The following PKP4 variants were observed in gnomAD, a reference collection of about 807,000 sequenced individuals.
The protein encoded by PKP4 is plakophilin 4.
PKP4 carries 90 observed loss-of-function variants against 145.1 expected under a neutral mutation model. The observed-to-expected ratio is 0.62, with a 90% CI of 0.52 to 0.74. PKP4 has a LOEUF of 0.74. Among genes scored for constraint, PKP4 ranks in the 30% least tolerant of loss-of-function variants. The pLI, the probability that PKP4 is intolerant of heterozygous loss-of-function variation, is 0.00. For synonymous variants in PKP4, 563 were observed against 577.2 expected (o/e 0.98, Z 0.35); for missense variants, 1,340 against 1,482.7 (o/e 0.90, Z 1.58).
intron 18 of PKP4, 42 bp downstream of exon 18, chr2:158,673,803 G>T (rs774178872): frequency 6.8e-7 from 1 of 1,471,782 alleles, no homozygotes; most frequent in Admixed American, 1.7e-5. Context: ...GCATTCATCA[G>T]AGCACACACT....
At chr2:158,474,855 A>G (rs547075598) in intron 1 of PKP4, among the ~76,000 whole-genome samples, 37 of 152,164 alleles carry the variant, frequency 2.4e-4, no homozygotes, top group Non-Finnish European at 3.7e-4. Flanking sequence ...AGCCCTCAAG[A>G]GGTATGAATT....
At chr2:158,650,764 C>T (rs186662966) in intron 11 of PKP4, among the ~76,000 whole-genome samples, 104 of 152,344 alleles carry the variant, frequency 6.8e-4, no homozygotes, top group African/African-American at 2.2e-3. Context: ...TGAGCTCCCC[C>T]GTGCCCCATG....
At chr2:158,610,367 A>G (rs1176663761) in intron 4 of PKP4, among the ~76,000 whole-genome samples, 3 of 152,222 alleles carry the variant, frequency 2.0e-5, no homozygotes, top group East Asian at 3.9e-4. Context: ...GTAAGAACGT[A>G]TATAATACAA....
At chr2:158,610,674 A>G (rs1211760147) in intron 4 of PKP4, among the ~76,000 whole-genome samples, 1 of 152,192 alleles carries the variant, frequency 6.6e-6, no homozygotes, top group Non-Finnish European at 1.5e-5. Context: ...GTCACATTCC[A>G]TGAAGTGAAT....
At chr2:158,676,928 G>A (rs2058062491) in intron 20 of PKP4, 61 bp downstream of exon 20, 1 of 1,605,626 alleles carries the variant, frequency 6.2e-7, no homozygotes, top group African/African-American at 1.3e-5. Flanking sequence ...CAGGCGCTTG[G>A]CCAGTGGCCT....
chr2:158,641,640 G>T (rs2054291440), intron 10 of PKP4, among the ~76,000 whole-genome samples: 1 of 152,098 alleles, frequency 6.6e-6, no homozygotes, highest in African/African-American at 2.4e-5. Flanking sequence ...ATTTTAATGT[G>T]CATAACAGTA....
intron 2 of PKP4, among the ~76,000 whole-genome samples, chr2:158,567,335 A>G (rs2047071327): frequency 6.6e-6 from 1 of 152,212 alleles, no homozygotes; most frequent in South Asian, 2.1e-4. Flanking sequence ...AGGAAGCCAT[A>G]AATAATTCTG....
intron 3 of PKP4, among the ~76,000 whole-genome samples, chr2:158,596,848 G>T (rs929199168): frequency 3.9e-5 from 6 of 152,198 alleles, no homozygotes; most frequent in African/African-American, 1.2e-4. Context: ...TACGGTTTTT[G>T]AGCTGTGGAA....
chr2:158,606,767 GAAAT>G (rs2050692596), intron 4 of PKP4, among the ~76,000 whole-genome samples: 2 of 151,836 alleles, frequency 1.3e-5, no homozygotes, highest in East Asian at 3.9e-4. Flanking sequence ...ATTTATTTCT[GAAAT>G]AAATAAACAC....
intron 2 of PKP4, among the ~76,000 whole-genome samples, chr2:158,535,477 T>G (rs1306230877): frequency 6.6e-6 from 1 of 152,134 alleles, no homozygotes; most frequent in Non-Finnish European, 1.5e-5. Context: ...TGTCACCTTC[T>G]TAGCTCACTG....
chr2:158,625,363 A>G lies in PKP4; in HGVS notation c.1089A>G (p.Gln363=), dbSNP rs1477688350. ...SLQRTVHDME[Q]FGQQQYDIYE... Reference sequence around the variant, plus strand: ...AAAGGACTGTTCATGACATGGAGCAATTCGGACAGCAGCAGTATGACATTT... The same window carrying G: ...AAAGGACTGTTCATGACATGGAGCAGTTCGGACAGCAGCAGTATGACATTT... The change falls in exon 7 of 22, where the codon CAA becomes CAG. Residue 363 remains glutamine (Q), a synonymous_variant. Coordinates refer to ENST00000389759, the MANE Select transcript of PKP4 (RefSeq NM_003628.6). 6.2e-7 allele frequency: 1 copy of G among 1,614,160 alleles called. No homozygotes were observed. The highest frequency in any genetic ancestry group is 8.5e-7 in the Non-Finnish European group (1 of 1,180,022).
At chr2:158,620,739 T>C (rs867009257) in intron 4 of PKP4, among the ~76,000 whole-genome samples, 1 of 152,344 alleles carries the variant, frequency 6.6e-6, no homozygotes, top group Non-Finnish European at 1.5e-5. Flanking sequence ...AGTTTTCAGA[T>C]TTTGATTTAA....
chr2:158,469,249 C>T (rs1691179008), intron 1 of PKP4, among the ~76,000 whole-genome samples: 1 of 151,866 alleles, frequency 6.6e-6, no homozygotes, highest in Non-Finnish European at 1.5e-5. Context: ...ACCACCATGC[C>T]CAGCTAATTT....
intron 1 of PKP4, among the ~76,000 whole-genome samples, chr2:158,485,819 T>C (rs906835944): frequency 6.6e-6 from 1 of 152,224 alleles, no homozygotes; most frequent in Non-Finnish European, 1.5e-5. Flanking sequence ...AGTATAAGAA[T>C]AGACATTAAT....
At chr2:158,669,528 CAATA>C (rs1389547688) in intron 16 of PKP4, 188 bp from the exon 17 acceptor site, 10 of 405,886 alleles carry the variant, frequency 2.5e-5, no homozygotes, top group African/African-American at 6.1e-5. Context: ...AGTGACGTTG[CAATA>C]AATGTTAGCT....
intron 3 of PKP4, among the ~76,000 whole-genome samples, chr2:158,592,830 G>T (rs768605612): frequency 6.6e-6 from 1 of 152,074 alleles, no homozygotes; most frequent in Non-Finnish European, 1.5e-5. Context: ...AATAATGTAC[G>T]AAATTAAATT....
intron 1 of PKP4, among the ~76,000 whole-genome samples, chr2:158,510,936 A>G (rs913586489): frequency 1.3e-5 from 2 of 152,160 alleles, no homozygotes; most frequent in African/African-American, 4.8e-5. Context: ...CATCTGCTCT[A>G]CTTTTCTGTC....
intron 2 of PKP4, among the ~76,000 whole-genome samples, chr2:158,540,091 C>T (rs1382768696): frequency 1.3e-5 from 2 of 152,200 alleles, no homozygotes; most frequent in African/African-American, 2.4e-5. Context: ...CATTTGGCTA[C>T]CTGCCTACAT....
chr2:158,505,019 T>A (rs1202862974), intron 1 of PKP4, among the ~76,000 whole-genome samples: 1 of 152,180 alleles, frequency 6.6e-6, no homozygotes, highest in African/African-American at 2.4e-5. Context: ...CAGAAGAGCT[T>A]AATAGTGTTT....
Sources: gnomAD v4.1 joint callset for allele counts (sites outside exome capture counted in the v4.1 genomes callset) on GRCh38, gnomAD v4.1.1 for gene constraint, MANE v1.5 for transcripts, NCBI Gene and HGNC (gene_info 2026-07-23, HGNC 2026-07-21) for gene names.